The following PTPRT variants were observed in gnomAD, a reference collection of about 807,000 sequenced individuals.
The protein encoded by PTPRT is receptor-type tyrosine-protein phosphatase T.
Under a neutral mutation model 176.8 loss-of-function variants are expected in PTPRT, and 56 were observed. The ratio of observed to expected loss-of-function variants is 0.32; its 90% CI spans 0.26 to 0.40. The LOEUF (loss-of-function observed/expected upper bound fraction) is 0.40, where lower values mean the gene tolerates loss of function less well. PTPRT is among the 10% of genes least tolerant of loss of function. PTPRT has a pLI of 1.00. For missense variants in PTPRT, 1,540 were observed against 1,908.2 expected, an observed-to-expected ratio of 0.81 and a Z score of 3.60; for synonymous variants, 783 against 739.0, an observed-to-expected ratio of 1.06 and a Z score of -0.96.
intron 2 of PTPRT, among the ~76,000 whole-genome samples, chr20:42,884,377 G>A (rs1173838803): frequency 6.6e-6 from 1 of 152,106 alleles, no homozygotes; most frequent in Non-Finnish European, 1.5e-5. Context: ...AGTGCCTCCT[G>A]TTTTGGAGCC....
intron 7 of PTPRT, chr20:42,607,342 T>C (rs961714671): frequency 9.2e-5 from 14 of 152,298 alleles, no homozygotes; most frequent in Admixed American, 1.3e-4. Context: ...TGGTATATTT[T>C]ATGTTACCTG....
chr20:42,699,095 G>T (rs976476242), intron 6 of PTPRT, among the ~76,000 whole-genome samples: 1 of 152,128 alleles, frequency 6.6e-6, no homozygotes, highest in South Asian at 2.1e-4. Context: ...CTAAAAAGGA[G>T]TAAAAAGCAC....
the PTPRT span, among the ~76,000 whole-genome samples, chr20:42,032,590 A>G: frequency 6.6e-6 from 1 of 152,190 alleles, no homozygotes; most frequent in Admixed American, 6.5e-5. Context: ...GCTTCCAGTG[A>G]TCCCAGCCTC....
rs74736611 is a variant in PTPRT, at chr20:43,041,271, C to T, written c.88+148375G>A. Among the ~76,000 whole-genome samples the T allele has an allele frequency of 3.3e-3, 499 of 152,276 alleles. 13 individuals are homozygous for T. In the East Asian group the frequency reaches 0.043, roughly 13 times the overall value. On this transcript the variant is annotated intron_variant, in intron 1 of 30. Transcript: ENST00000373187. ...TGGTCATACACACTGTGCTATAGTA[C>T]TTTTTAATGTATTGCTTGTGTGGTA...
At chr20:42,630,277 A>G (rs1288465041) in intron 7 of PTPRT, among the ~76,000 whole-genome samples, 2 of 152,182 alleles carry the variant, frequency 1.3e-5, no homozygotes, top group Non-Finnish European at 1.5e-5. Context: ...GAACCAACAC[A>G]TCCAGGCAAC....
At chr20:42,084,941 A>G in intron 28 of PTPRT, 96 bp from the exon 29 acceptor site, 2 of 1,105,862 alleles carry the variant, frequency 1.8e-6, no homozygotes, top group Non-Finnish European at 2.4e-6. Flanking sequence ...ATGGTGGAAG[A>G]CAGACCAAAT....
At chr20:43,160,002 C>CAAA (rs11475762) in intron 1 of PTPRT, among the ~76,000 whole-genome samples, 1 of 136,562 alleles carries the variant, frequency 7.3e-6, no homozygotes, top group Non-Finnish European at 1.6e-5. Context: ...CTTCCCCCTG[C>CAAA]AAAAAAAAAA....
intron 7 of PTPRT, among the ~76,000 whole-genome samples, chr20:42,536,863 T>C (rs538950770): frequency 1.6e-4 from 24 of 152,190 alleles, no homozygotes; most frequent in Non-Finnish European, 3.1e-4. Flanking sequence ...GGAGATCAAT[T>C]TGGCAAGACC....
chr20:42,828,186 C>G (rs997455042), intron 2 of PTPRT, among the ~76,000 whole-genome samples: 2 of 152,136 alleles, frequency 1.3e-5, no homozygotes, highest in Admixed American at 1.3e-4. Context: ...TTGAGATGGT[C>G]TCAGATGGAG....
chr20:42,299,675 T>A (rs1013389922), intron 12 of PTPRT, among the ~76,000 whole-genome samples: 5 of 110,876 alleles, frequency 4.5e-5, no homozygotes, highest in Non-Finnish European at 5.2e-5. Context: ...GAGACACAGT[T>A]TCACTCTCGT....
intron 30 of PTPRT, among the ~76,000 whole-genome samples, chr20:42,081,335 G>C (rs976131850): frequency 6.6e-6 from 1 of 152,130 alleles, no homozygotes; most frequent in Non-Finnish European, 1.5e-5. Flanking sequence ...TGACCCACAC[G>C]TTAATATGGC....
chr20:42,171,174 A>G (rs1041069542), intron 16 of PTPRT, among the ~76,000 whole-genome samples: 10 of 152,192 alleles, frequency 6.6e-5, no homozygotes, highest in African/African-American at 2.4e-4. Flanking sequence ...GTTGGCTCTG[A>G]TTCTTTTCCA....
the PTPRT span, among the ~76,000 whole-genome samples, chr20:42,040,214 A>G: frequency 6.6e-6 from 1 of 152,052 alleles, no homozygotes; most frequent in South Asian, 2.1e-4. Context: ...CTTAAAGGGG[A>G]TGATGCCACA....
chr20:42,954,499 A>G (rs530535827), intron 1 of PTPRT, among the ~76,000 whole-genome samples: 1 of 152,168 alleles, frequency 6.6e-6, no homozygotes, highest in Non-Finnish European at 1.5e-5. Flanking sequence ...CAGTTTGCCT[A>G]TCAGACAGCT....
chr20:43,007,995 CTAAG>C (rs1984936219), intron 1 of PTPRT, among the ~76,000 whole-genome samples: 1 of 152,200 alleles, frequency 6.6e-6, no homozygotes, highest in Non-Finnish European at 1.5e-5. Flanking sequence ...ATGATAAGCA[CTAAG>C]TGTTAGTAAA....
At position 42,162,255 on chromosome 20, in the gene PTPRT, T is replaced by C. The variant is rs915003270; in HGVS notation, c.2492-713A>G. ...TTGCAGATAGGGAAGCCTGGGCCTCTTCCTTCAGTGCTGCTAGCTACTTTC... is the reference window on the plus strand; with the variant it reads ...TTGCAGATAGGGAAGCCTGGGCCTCCTCCTTCAGTGCTGCTAGCTACTTTC... On this transcript the variant is annotated intron_variant, in intron 16 of 30. Coordinates refer to ENST00000373187, the MANE Select transcript of PTPRT (RefSeq NM_007050.6). Among the ~76,000 whole-genome samples, 5 of 152,180 alleles carry C rather than the reference T, an allele frequency of 3.3e-5. No homozygotes were observed. In the East Asian group the frequency reaches 9.6e-4, roughly 29 times the overall value.
At chr20:42,090,117 C>T (rs185994112) in intron 27 of PTPRT, among the ~76,000 whole-genome samples, 1 of 152,142 alleles carries the variant, frequency 6.6e-6, no homozygotes. Context: ...TTATGAGTGG[C>T]TGTGAATTTT....
intron 7 of PTPRT, among the ~76,000 whole-genome samples, chr20:42,556,979 G>A (rs1407163710): frequency 5.3e-5 from 8 of 152,200 alleles, no homozygotes; most frequent in East Asian, 1.9e-4. Context: ...AGAGGGATGC[G>A]TGTCTCTCTC....
At chr20:42,930,777 G>C (rs760905961) in intron 1 of PTPRT, among the ~76,000 whole-genome samples, 7 of 152,062 alleles carry the variant, frequency 4.6e-5, no homozygotes, top group African/African-American at 9.7e-5. Flanking sequence ...ACCATGCCCA[G>C]ACCCTCATAC....
Sources: allele counts gnomAD v4.1 joint callset (sites outside exome capture counted in the v4.1 genomes callset), GRCh38; gene constraint gnomAD v4.1.1; transcripts MANE v1.5; gene names NCBI Gene and HGNC (gene_info 2026-07-23, HGNC 2026-07-21).